GSG1L: variants seen among roughly 807,000 people sequenced by gnomAD.
GSG1L encodes germ cell-specific gene 1-like protein.
In GSG1L, 24 loss-of-function variants were observed where a neutral mutation model predicts 42.1. The observed-to-expected ratio is 0.57, with a 90% confidence interval of 0.41 to 0.80. The LOEUF is 0.80. GSG1L is among the 30% of genes least tolerant of loss of function. The pLI is 0.00. For synonymous variants in GSG1L, 215 were observed against 203.5 expected (o/e 1.06, Z -0.48); for missense variants, 445 against 472.2 (o/e 0.94, Z 0.53).
chr16:27,979,642 GGAAAGAAA>G (rs200521273), intron 1 of GSG1L, among the ~76,000 whole-genome samples: 9 of 55,980 alleles, frequency 1.6e-4, no homozygotes, highest in African/African-American at 5.4e-4. Flanking sequence ...AGGAGGGAGG[GGAAAGAAA>G]GAAAGAAAGA....
chr16:27,863,973 G>A, intron 3 of GSG1L, among the ~76,000 whole-genome samples: 1 of 152,210 alleles, frequency 6.6e-6, no homozygotes, highest in East Asian at 1.9e-4. Flanking sequence ...ATTATACAGA[G>A]CATGATCCAG....
At chr16:27,935,327 T>G (rs7498406) in intron 2 of GSG1L, among the ~76,000 whole-genome samples, 70,984 of 151,790 alleles carry the variant, frequency 0.47, 16,581 homozygotes, top group South Asian at 0.56. Flanking sequence ...GATGGGGGAA[T>G]GGGGGGCTTC....
At position 27,871,671 on chromosome 16, in the gene GSG1L, C is replaced by G. The variant is rs1188642255; in HGVS notation, c.550+12815G>C. On this transcript the variant is annotated intron_variant, in intron 3 of 6. Transcript: ENST00000447459. The stretch of plus-strand genomic sequence containing the variant: ...GAAAACAAAGAAAAGAAAATGTGGT[C>G]AATCCATACAATGGAATATTATTTA... Among the ~76,000 whole-genome samples, 7 of 151,988 alleles carry G rather than the reference C, an allele frequency of 4.6e-5. No individual in the cohort carries two copies. In the East Asian group the frequency reaches 1.2e-3, roughly 25 times the overall value.
intron 6 of GSG1L, among the ~76,000 whole-genome samples, chr16:27,806,301 T>G (rs893942823): frequency 1.2e-4 from 18 of 152,154 alleles, no homozygotes; most frequent in African/African-American, 3.9e-4. Context: ...CCCAAGCATC[T>G]TGGTTCACCA....
At chr16:27,844,891 TC>T in intron 4 of GSG1L, 58 bp downstream of exon 4, 1 of 638,876 alleles carries the variant, frequency 1.6e-6, no homozygotes, top group Non-Finnish European at 2.5e-6. Context: ...GCTGCTGAAG[TC>T]CCAGCGTGCC....
chr16:27,976,913 C>T (rs2085257125), intron 1 of GSG1L, among the ~76,000 whole-genome samples: 1 of 152,194 alleles, frequency 6.6e-6, no homozygotes, highest in Non-Finnish European at 1.5e-5. Flanking sequence ...TCTAAATTTC[C>T]CAAGGGTTTT....
chr16:27,813,847 T>C lies in GSG1L; in HGVS notation c.831-6293A>G, dbSNP rs143298606. On this transcript the variant is annotated intron_variant, in intron 5 of 6. Transcript: ENST00000447459. ...TGGGCCCTGGAGTGAGGAGGAATCATGGTTGAGCTCAGCTCTGCGATTAAC... is the reference window on the plus strand; with the variant it reads ...TGGGCCCTGGAGTGAGGAGGAATCACGGTTGAGCTCAGCTCTGCGATTAAC... Among the ~76,000 whole-genome samples, 109 of 152,312 alleles carry C rather than the reference T, an allele frequency of 7.2e-4. 1 individual carries two copies. In the East Asian group the frequency reaches 0.02, roughly 28 times the overall value.
chr16:27,820,593 G>A (rs987934243), intron 5 of GSG1L, among the ~76,000 whole-genome samples: 1 of 152,114 alleles, frequency 6.6e-6, no homozygotes, highest in Non-Finnish European at 1.5e-5. Flanking sequence ...CAGCCAATCC[G>A]GTGAATGTGT....
chr16:28,043,346 A>G (rs547287594), intron 1 of GSG1L, among the ~76,000 whole-genome samples: 1 of 152,322 alleles, frequency 6.6e-6, no homozygotes, highest in Non-Finnish European at 1.5e-5. Flanking sequence ...GAGCATAGAA[A>G]ACTATAAAGG....
intron 2 of GSG1L, among the ~76,000 whole-genome samples, chr16:27,899,657 C>T (rs1057184954): frequency 1.3e-5 from 2 of 152,174 alleles, no homozygotes; most frequent in African/African-American, 4.8e-5. Flanking sequence ...GTTGAAGCTA[C>T]AGTGAGCTAT....
chr16:27,978,399 C>A (rs1408591435), intron 1 of GSG1L, among the ~76,000 whole-genome samples: 5 of 152,166 alleles, frequency 3.3e-5, no homozygotes, highest in African/African-American at 7.2e-5. Flanking sequence ...GAATTCAAAT[C>A]CCCACTGTGC....
chr16:27,814,045 C>A (rs2140950545), intron 5 of GSG1L, among the ~76,000 whole-genome samples: 1 of 152,326 alleles, frequency 6.6e-6, no homozygotes, highest in East Asian at 1.9e-4. Context: ...AGGCTCAGAG[C>A]ATGTTCACTA....
At chr16:27,889,509 T>C (rs1487880889) in intron 2 of GSG1L, among the ~76,000 whole-genome samples, 1 of 152,212 alleles carries the variant, frequency 6.6e-6, no homozygotes, top group Non-Finnish European at 1.5e-5. Flanking sequence ...CTAGGCTCTC[T>C]TTTTAGAGTT....
intron 3 of GSG1L, among the ~76,000 whole-genome samples, chr16:27,849,412 G>A (rs2140988073): frequency 6.6e-6 from 1 of 152,298 alleles, no homozygotes; most frequent in Non-Finnish European, 1.5e-5. Context: ...TGATTACTGT[G>A]TGGAGACAGT....
chr16:28,053,385 C>G (rs774851037), intron 1 of GSG1L, among the ~76,000 whole-genome samples: 1 of 152,198 alleles, frequency 6.6e-6, no homozygotes, highest in Non-Finnish European at 1.5e-5. Flanking sequence ...ATTTGGGCAA[C>G]ATGAAGAGGG....
chr16:28,045,402 G>A (rs113786499), intron 1 of GSG1L, among the ~76,000 whole-genome samples: 2,165 of 152,324 alleles, frequency 0.014, 58 homozygotes, highest in African/African-American at 0.049. Context: ...TTGGCCAGAA[G>A]CGGTGGCTCA....
At position 28,022,691 on chromosome 16, in the gene GSG1L, G is replaced by GT. The variant is rs1414659150; in HGVS notation, c.349+40384_349+40385insA. Among the ~76,000 whole-genome samples the GT allele has an allele frequency of 6.6e-5, 10 of 151,810 alleles. No individual in the cohort carries two copies. The East Asian group carries it at 1.9e-3, about 29-fold the overall frequency. ...TGTTTTGTTTTGTTTTGTTTGAAACGAAGTGTCACTCTGTTGCCCAAGCTG... is the reference window on the plus strand; with the variant it reads ...TGTTTTGTTTTGTTTTGTTTGAAACGTAAGTGTCACTCTGTTGCCCAAGCTG... On this transcript the variant is annotated intron_variant, in intron 1 of 6. Coordinates refer to ENST00000447459, the MANE Select transcript of GSG1L (RefSeq NM_001109763.2).
At chr16:27,812,894 C>T (rs2083049109) in intron 5 of GSG1L, among the ~76,000 whole-genome samples, 1 of 152,084 alleles carries the variant, frequency 6.6e-6, no homozygotes. Flanking sequence ...ATTCTTCCGC[C>T]TCGGCCTCCC....
chr16:27,929,204 T>C (rs1185293034), intron 2 of GSG1L, among the ~76,000 whole-genome samples: 1 of 152,182 alleles, frequency 6.6e-6, no homozygotes, highest in African/African-American at 2.4e-5. Flanking sequence ...GGTGACATCA[T>C]AGTGTGTGGT....
Sources: allele counts gnomAD v4.1 joint callset (sites outside exome capture counted in the v4.1 genomes callset), GRCh38; gene constraint gnomAD v4.1.1; transcripts MANE v1.5; gene names NCBI Gene and HGNC (gene_info 2026-07-23, HGNC 2026-07-21).